DLC1: variants seen among roughly 807,000 people sequenced by gnomAD.
The protein encoded by DLC1 is rho GTPase-activating protein 7.
DLC1 carries 54 observed loss-of-function variants against 140.3 expected under a neutral mutation model. That is an observed-to-expected ratio of 0.38 (90% confidence interval 0.31 to 0.48). The LOEUF (loss-of-function observed/expected upper bound fraction) is 0.48. DLC1 is among the 20% of genes least tolerant of loss of function. The probability of loss-of-function intolerance (pLI) is 0.96; values close to 1 mark genes in which losing one functional copy is unlikely to be tolerated. For missense variants in DLC1, 2,536 were observed against 1,907.0 expected, an observed-to-expected ratio of 1.33 and a Z score of -6.14; for synonymous variants, 986 against 728.1, an observed-to-expected ratio of 1.35 and a Z score of -5.70.
At position 13,126,851 on chromosome 8, in the gene DLC1, C is replaced by A. The variant is rs562547688; in HGVS notation, c.1349-11194G>T. On this transcript the variant is annotated intron_variant, in intron 5 of 17. Transcript: ENST00000276297. ...ATAAAATAGTGTGCAAATTGCAACA[C>A]TGTAAAACCTTAAATTAGAAATAAA... is the stretch of plus-strand genomic sequence containing the variant. Among the ~76,000 whole-genome samples, 23 of 152,292 alleles carry A rather than the reference C, an allele frequency of 1.5e-4. No individual in the cohort carries two copies. In the South Asian group the frequency reaches 2.9e-3, roughly 19 times the overall value.
chr8:13,399,670 A>T (rs1453380597), intron 3 of DLC1, among the ~76,000 whole-genome samples: 6 of 152,220 alleles, frequency 3.9e-5, no homozygotes, highest in African/African-American at 1.4e-4. Flanking sequence ...GTGTCAATTC[A>T]TCAGGCCATA....
chr8:13,428,412 T>A (rs1838698702), intron 2 of DLC1, among the ~76,000 whole-genome samples: 1 of 152,240 alleles, frequency 6.6e-6, no homozygotes, highest in Non-Finnish European at 1.5e-5. Context: ...TTCTGTTTTC[T>A]ACGATTTTTA....
At chr8:13,394,630 T>G (rs2117220242) in intron 3 of DLC1, among the ~76,000 whole-genome samples, 1 of 152,320 alleles carries the variant, frequency 6.6e-6, no homozygotes, top group South Asian at 2.1e-4. Context: ...AACTATGATT[T>G]AAATATCTCT....
intron 5 of DLC1, among the ~76,000 whole-genome samples, chr8:13,206,061 T>C (rs1827649731): frequency 6.6e-6 from 1 of 152,180 alleles, no homozygotes; most frequent in Non-Finnish European, 1.5e-5. Context: ...TAGCTAAGGA[T>C]AGAGCAAAGT....
At chr8:13,196,898 G>A (rs956554617) in intron 5 of DLC1, among the ~76,000 whole-genome samples, 5 of 152,202 alleles carry the variant, frequency 3.3e-5, no homozygotes, top group African/African-American at 1.2e-4. Context: ...TACTACTTCA[G>A]AGGGATTAAA....
intron 4 of DLC1, among the ~76,000 whole-genome samples, chr8:13,390,535 C>A (rs1836705631): frequency 6.6e-6 from 1 of 152,080 alleles, no homozygotes; most frequent in Non-Finnish European, 1.5e-5. Context: ...GATTCTAGGT[C>A]CTTGAGGAAT....
chr8:13,343,098 T>G (rs1253763830), intron 4 of DLC1, among the ~76,000 whole-genome samples: 1 of 152,196 alleles, frequency 6.6e-6, no homozygotes, highest in Admixed American at 6.5e-5. Context: ...CTGCTGATAT[T>G]TTTGTGAAAC....
chr8:13,398,172 T>G (rs111973290), intron 3 of DLC1, among the ~76,000 whole-genome samples: 127 of 151,922 alleles, frequency 8.4e-4, no homozygotes, highest in African/African-American at 2.9e-3. Context: ...TAAAAATAAA[T>G]TATAAATCAA....
chr8:13,387,691 A>T (rs1836582765), intron 4 of DLC1, among the ~76,000 whole-genome samples: 1 of 152,092 alleles, frequency 6.6e-6, no homozygotes, highest in South Asian at 2.1e-4. Context: ...GTATAGTTGG[A>T]ACAAATGCAA....
At chr8:13,188,777 A>ATGTG (rs201849073) in intron 5 of DLC1, among the ~76,000 whole-genome samples, 57 of 108,850 alleles carry the variant, frequency 5.2e-4, no homozygotes, top group African/African-American at 1.8e-3. Flanking sequence ...TGCCCAGCTA[A>ATGTG]TGTGTGTGTG....
At chr8:13,203,263 G>A (rs949881899) in intron 5 of DLC1, among the ~76,000 whole-genome samples, 5 of 152,246 alleles carry the variant, frequency 3.3e-5, no homozygotes, top group South Asian at 2.1e-4. Flanking sequence ...ATTAAGTGTC[G>A]ATAATTACCA....
intron 1 of DLC1, among the ~76,000 whole-genome samples, chr8:13,581,736 C>T (rs567523915): frequency 2.0e-5 from 3 of 152,282 alleles, no homozygotes; most frequent in East Asian, 3.9e-4. Flanking sequence ...TATTCTATCG[C>T]TTCCCATAGA....
At chr8:13,505,079 G>A (rs995826105) in intron 1 of DLC1, among the ~76,000 whole-genome samples, 1 of 152,084 alleles carries the variant, frequency 6.6e-6, no homozygotes, top group Non-Finnish European at 1.5e-5. Flanking sequence ...TAGTTATAGA[G>A]AACACTAGGG....
rs796820793 is a variant in DLC1 at position 13,151,836 on chromosome 8, T to C, written c.1349-36179A>G. 6.6e-5 allele frequency among the ~76,000 whole-genome samples: 10 copies of C among 152,316 alleles called. 1 individual carries two copies. The highest frequency in any genetic ancestry group is 2.2e-4 in the African/African-American group (9 of 41,574). On this transcript the variant is annotated intron_variant, in intron 5 of 17. Transcript: ENST00000276297. ...ACTATATTACACCTTTAAAATTTTA[T>C]ACCATTTACATTTATTGTCGGTAAA... is the stretch of plus-strand genomic sequence containing the variant.
chr8:13,511,325 T>TA (rs1802355312), intron 1 of DLC1, among the ~76,000 whole-genome samples: 1 of 144,758 alleles, frequency 6.9e-6, no homozygotes, highest in Non-Finnish European at 1.5e-5. Context: ...TCTTTCACCT[T>TA]TTTTTTTGGC....
chr8:13,602,681 T>C (rs926578708), intron 1 of DLC1, among the ~76,000 whole-genome samples: 2 of 151,894 alleles, frequency 1.3e-5, no homozygotes, highest in Admixed American at 6.6e-5. Flanking sequence ...AGAATTTTTA[T>C]GTATCTTAAA....
At chr8:13,531,544 C>G (rs868075621) in intron 1 of DLC1, among the ~76,000 whole-genome samples, 20 of 152,152 alleles carry the variant, frequency 1.3e-4, no homozygotes, top group Non-Finnish European at 2.4e-4. Flanking sequence ...CAAGATCACA[C>G]CACTGCATTC....
At chr8:13,344,922 ATTGT>A (rs1456999039) in intron 4 of DLC1, among the ~76,000 whole-genome samples, 2 of 152,222 alleles carry the variant, frequency 1.3e-5, no homozygotes, top group African/African-American at 2.4e-5. Context: ...TCAACTTCTA[ATTGT>A]TTGATTATTT....
At chr8:13,087,205 C>T (rs924977092) in intron 16 of DLC1, among the ~76,000 whole-genome samples, 18 of 152,212 alleles carry the variant, frequency 1.2e-4, no homozygotes, top group African/African-American at 4.1e-4. Context: ...GTTTTGAGAC[C>T]AGCCTGGACA....
Sources: gnomAD v4.1 joint callset for allele counts (sites outside exome capture counted in the v4.1 genomes callset) on GRCh38, gnomAD v4.1.1 for gene constraint, MANE v1.5 for transcripts, NCBI Gene and HGNC (gene_info 2026-07-23, HGNC 2026-07-21) for gene names.